Variants in TSPAN17 observed in about 807,000 individuals in gnomAD.
The protein encoded by TSPAN17 is tetraspanin 17, also known as tetraspanin-17.
TSPAN17 carries 33 observed loss-of-function variants against 40.5 expected under a neutral mutation model. That is an observed-to-expected ratio of 0.81 (90% CI 0.62 to 1.09). The LOEUF is 1.09. TSPAN17 is among the 50% of genes least tolerant of loss of function. The pLI is 0.00. For synonymous variants in TSPAN17, 166 were observed against 169.4 expected, an observed-to-expected ratio of 0.98 and a Z score of 0.15; for missense variants, 365 against 416.8, an observed-to-expected ratio of 0.88 and a Z score of 1.08.
At position 176,657,964 on chromosome 5, in the gene TSPAN17, C is replaced by A; in HGVS notation, c.*266C>A. The A allele has an allele frequency of 2.2e-6, 1 of 457,780 alleles. No individual in the cohort carries two copies. The highest frequency in any genetic ancestry group is 3.5e-6 in the Non-Finnish European group (1 of 283,772). 28.4% of individuals were successfully genotyped at this position (457,780 alleles called of 1,614,324 possible). On this transcript the variant is annotated 3_prime_UTR_variant, in exon 9 of 9. Transcript: ENST00000508164. ...GGACCTGAAGGATGGAGAGGCTGGA[C>A]CCCGCTTTGAAGAGGGTGCAGCCTG...
chr5:176,649,449 C>T, intron 1 of TSPAN17, among the ~76,000 whole-genome samples: 1 of 149,510 alleles, frequency 6.7e-6, no homozygotes, highest in South Asian at 2.1e-4. Flanking sequence ...TTTTTTGAGA[C>T]AGAGTTTTGC....
At position 176,651,480 on chromosome 5, in the gene TSPAN17, A is replaced by G. The variant is rs1760960321; in HGVS notation, c.88-136A>G. The G allele has an allele frequency of 1.1e-6, 1 of 902,148 alleles. No individual in the cohort carries two copies. The allele number at this position is 902,148 out of a possible 1,614,324, so 55.9% of individuals were successfully genotyped here. On this transcript the variant is annotated intron_variant, in intron 1 of 8. Coordinates refer to ENST00000508164, the MANE Select transcript of TSPAN17 (RefSeq NM_130465.5). This position sits in a 1 kb window ranked among gnomAD's most constrained non-coding sequence, Gnocchi z 4.5. Reference sequence around the variant, plus strand: ...GGGATGTGTTCTTGGGAAGATGGAAAGGACCCCGGATCCCGTTCACAGCCC... The same window carrying G: ...GGGATGTGTTCTTGGGAAGATGGAAGGGACCCCGGATCCCGTTCACAGCCC...
chr5:176,652,723 G>A lies in TSPAN17; in HGVS notation c.286-20G>A. 1 of 1,613,436 alleles carries A rather than the reference G, an allele frequency of 6.2e-7. No homozygotes were observed. The highest frequency in any genetic ancestry group is 8.5e-7 in the Non-Finnish European group (1 of 1,179,514). ...GAGCCCTGCGTTTCCAACCCCTACT[G>A]TCTGTATGCCCAACCCCAGTTCTCC... On this transcript the variant is annotated intron_variant, in intron 3 of 8. Transcript: ENST00000508164.
intron 4 of TSPAN17, chr5:176,653,349 C>T (rs572839426): frequency 6.2e-6 from 1 of 162,040 alleles, no homozygotes; most frequent in South Asian, 1.7e-4. Flanking sequence ...TCTGTCAGCC[C>T]TTATCTCTCA....
chr5:176,651,957 G>A lies in TSPAN17; in HGVS notation c.285+57G>A, dbSNP rs1760986902. 9.4e-6 allele frequency: 15 copies of A among 1,603,668 alleles called. No individual in the cohort carries two copies. Among genetic ancestry groups the A allele is most frequent in the African/African-American group, 2.7e-5 (2 of 74,798 alleles). Reference sequence around the variant, plus strand: ...CCCCATCTCCTCCCATCCAGTTCTTGCAATACAGTTGGAGCTTAATGATGG... The same window carrying A: ...CCCCATCTCCTCCCATCCAGTTCTTACAATACAGTTGGAGCTTAATGATGG... On this transcript the variant is annotated intron_variant, in intron 3 of 8. Transcript: ENST00000508164. The surrounding 1 kb of genome is among the most constrained non-coding windows in gnomAD (Gnocchi z 4.5).
At position 176,655,058 on chromosome 5, in the gene TSPAN17, C is replaced by T. The variant is rs902144991; in HGVS notation, c.582+38C>T. The stretch of plus-strand genomic sequence containing the variant: ...GGGGGAGGAGAGGTAAGGGACTTTC[C>T]AGTGCACAGACTCTGGAGAAACCTC... On this transcript the variant is annotated intron_variant, in intron 5 of 8. Transcript: ENST00000508164. 8 of 1,572,356 alleles carry T rather than the reference C, an allele frequency of 5.1e-6. No individual in the cohort carries two copies. The Admixed American group carries it at 1.1e-4, about 22-fold the overall frequency.
At position 176,650,052 on chromosome 5, in the gene TSPAN17, C is replaced by T. The variant is rs1390028186; in HGVS notation, c.88-1564C>T. The stretch of plus-strand genomic sequence containing the variant: ...GTTTCCTTGTCTGCTCACTGACTGT[C>T]CATCTCCCCTGCTGGAGTGTAAGCT... On this transcript the variant is annotated intron_variant, in intron 1 of 8. Transcript: ENST00000508164. The surrounding 1 kb of genome is among the most constrained non-coding windows in gnomAD (Gnocchi z 4.0). Among the ~76,000 whole-genome samples, 1 of 152,194 alleles carries T rather than the reference C, an allele frequency of 6.6e-6. No homozygotes were observed. Among genetic ancestry groups the T allele is most frequent in the Non-Finnish European group, 1.5e-5 (1 of 68,034 alleles).
intron 6 of TSPAN17, among the ~76,000 whole-genome samples, chr5:176,656,347 C>T (rs1200048745): frequency 6.6e-6 from 1 of 152,186 alleles, no homozygotes; most frequent in Non-Finnish European, 1.5e-5. Flanking sequence ...CCTTGGGGTG[C>T]CCGGCTTTGC....
At chr5:176,647,770 TG>T (rs1292310481) in intron 1 of TSPAN17, 68 bp downstream of exon 1, 3 of 1,417,326 alleles carry the variant, frequency 2.1e-6, no homozygotes, top group Non-Finnish European at 2.9e-6. Flanking sequence ...AGTCTTTTGC[TG>T]GGGGAGACCA....
Position 176,654,484 on chromosome 5 carries a change from C to G in TSPAN17, c.457-411C>G, listed in dbSNP as rs1462408880. The G allele has an allele frequency of 1.0e-5, 2 of 191,594 alleles. No homozygotes were observed. The highest frequency in any genetic ancestry group is 2.2e-5 in the Non-Finnish European group (2 of 91,908). 11.9% of individuals were successfully genotyped at this position (191,594 alleles called of 1,614,324 possible). ...GCAGGATTCCCCTCCTGTCCCTGCA[C>G]TGAAGAGAGGAGGGCTTTGTAGAAC... On this transcript the variant is annotated intron_variant, in intron 4 of 8. Coordinates refer to ENST00000508164, the MANE Select transcript of TSPAN17 (RefSeq NM_130465.5). The surrounding 1 kb of genome is among the most constrained non-coding windows in gnomAD (Gnocchi z 4.3).
At position 176,656,094 on chromosome 5, in the gene TSPAN17, C is replaced by T; in HGVS notation, c.599C>T (p.Thr200Ile). 1.2e-6 allele frequency: 2 copies of T among 1,614,186 alleles called. No individual in the cohort carries two copies. Among genetic ancestry groups the T allele is most frequent in the Non-Finnish European group, 1.7e-6 (2 of 1,180,026 alleles). Residue 200 changes from threonine (T) to isoleucine (I), a missense_variant, in exon 6 of 9, where the codon ACC becomes ATC. Transcript: ENST00000508164. ...VRDPAEDVLN[T>I]QCGYDVRLKL... ...TCCCCTCAGGAGGATGTCCTCAACA[C>T]CCAGTGTGGCTACGACGTCCGGCTC... is the stretch of plus-strand genomic sequence containing the variant.
Position 176,654,798 on chromosome 5 carries a change from G to A in TSPAN17, c.457-97G>A. 6.7e-7 allele frequency: 1 copy of A among 1,488,946 alleles called. No individual in the cohort carries two copies. Among genetic ancestry groups the A allele is most frequent in the African/African-American group, 1.4e-5 (1 of 72,656 alleles). 92.2% of individuals were successfully genotyped at this position (1,488,946 alleles called of 1,614,324 possible). A position where few individuals can be genotyped will look rare whatever the true frequency, so the allele number is the denominator to read the frequency against. On this transcript the variant is annotated intron_variant, in intron 4 of 8. Transcript: ENST00000508164. This position sits in a 1 kb window ranked among gnomAD's most constrained non-coding sequence, Gnocchi z 4.3. ...ACTTGGCTGTCCCAGCCCTGTCCCAGACAGCCCTGTATTCCTGCAGCCTGG... is the reference window on the plus strand; with the variant it reads ...ACTTGGCTGTCCCAGCCCTGTCCCAAACAGCCCTGTATTCCTGCAGCCTGG...
intron 1 of TSPAN17, among the ~76,000 whole-genome samples, chr5:176,648,493 G>T (rs1188247899): frequency 6.6e-6 from 1 of 152,270 alleles, no homozygotes; most frequent in Non-Finnish European, 1.5e-5. Flanking sequence ...GCCCTCTGCA[G>T]TCTCTGCTCC....
chr5:176,652,863 T>TACCG lies in TSPAN17; in HGVS notation c.407_410dup (p.Asp138ProfsTer5). ...CTTCATCAACAACAACGTCAAGGCC[T>TACCG]ACCGGGACGACATTGACCTCCAGAA... On this transcript the variant is annotated frameshift_variant, in exon 4 of 9. Transcript: ENST00000508164. LOFTEE classifies it high-confidence loss of function. 1 of 1,614,152 alleles carries TACCG rather than the reference T, an allele frequency of 6.2e-7. No homozygotes were observed. Among genetic ancestry groups the TACCG allele is most frequent in the Non-Finnish European group, 8.5e-7 (1 of 1,179,994 alleles).
At chr5:176,652,042 G>A (rs1760989767) in intron 3 of TSPAN17, 142 bp downstream of exon 3, 2 of 1,238,676 alleles carry the variant, frequency 1.6e-6, no homozygotes, top group African/African-American at 3.0e-5. Flanking sequence ...ATATTTACTA[G>A]GATCCTTTCC....
chr5:176,652,975 G>GA lies in TSPAN17; in HGVS notation c.456+63dup, dbSNP rs201700960. On this transcript the variant is annotated intron_variant, in intron 4 of 8. Coordinates refer to ENST00000508164, the MANE Select transcript of TSPAN17 (RefSeq NM_130465.5). ...GCGCCTTCCTGGCAGACGAATGAGG[G>GA]AGCAAGTTCCCTGTGATGGGACCAT... The GA allele has an allele frequency of 2.1e-3, 3,223 of 1,570,962 alleles. 55 individuals carry two copies. The African/African-American group carries it at 0.036, about 18-fold the overall frequency.
rs759570539 is a variant in TSPAN17 at position 176,657,672 on chromosome 5, CCT to C, written c.965_966del (p.Pro322ArgfsTer5). 1.9e-6 allele frequency: 3 copies of C among 1,568,790 alleles called. No homozygotes were observed. The highest frequency in any genetic ancestry group is 2.4e-5 in the South Asian group (2 of 85,094). ...HVFFGLGGLY[P>X]EPTFKNW ...TTTCTTTGGCCTGGGTGGTTTATACCCTGAGCCAACCTTTAAAAATTGGTAGA... is the reference window on the plus strand; with the variant it reads ...TTTCTTTGGCCTGGGTGGTTTATACCGAGCCAACCTTTAAAAATTGGTAGA... On this transcript the variant is annotated frameshift_variant, in exon 9 of 9. Coordinates refer to ENST00000508164, the MANE Select transcript of TSPAN17 (RefSeq NM_130465.5). LOFTEE classifies it high-confidence loss of function.
In TSPAN17 at chr5:176,658,664, A is replaced by G. The variant is rs1306680676; in HGVS notation, c.*966A>G. On this transcript the variant is annotated 3_prime_UTR_variant, in exon 9 of 9. Transcript: ENST00000508164. ...TCCCCGTCTGACAGTGGCCGCTGCC[A>G]TATTCAGGTGTAGCTAATTGCTCTG... is the stretch of plus-strand genomic sequence containing the variant. 6.6e-6 allele frequency: 1 copy of G among 152,286 alleles called. No homozygotes were observed. Among genetic ancestry groups the G allele is most frequent in the Admixed American group, 6.5e-5 (1 of 15,288 alleles). 9.4% of individuals were successfully genotyped at this position (152,286 alleles called of 1,614,324 possible).
Position 176,656,938 on chromosome 5 carries a change from A to T in TSPAN17, c.791A>T (p.Lys264Met), listed in dbSNP as rs1459264520. ...GCCCAGAACCTCGTGAGTGACATCA[A>T]GGCAGTGAAAGCCAACTGGTGAGGC... ...CLAQNLVSDI[K>M]AVKANWSKWN... The change falls in exon 8 of 9, where the codon AAG (lysine) becomes ATG (methionine). Residue 264 changes from lysine (K) to methionine (M), a missense_variant. Transcript: ENST00000508164. 6.2e-7 allele frequency: 1 copy of T among 1,613,928 alleles called. No individual in the cohort carries two copies. The highest frequency in any genetic ancestry group is 1.1e-5 in the South Asian group (1 of 91,090).
Sources: gnomAD v4.1 joint callset for allele counts (sites outside exome capture counted in the v4.1 genomes callset) on GRCh38, gnomAD v4.1.1 for gene constraint, Gnocchi (gnomAD v3.1) non-coding constraint, MANE v1.5 for transcripts, NCBI Gene and HGNC (gene_info 2026-07-23, HGNC 2026-07-21) for gene names.